LIMCH1: variants seen among roughly 807,000 people sequenced by gnomAD.
LIMCH1 encodes the protein LIM and calponin homology domains-containing protein 1.
A neutral mutation model predicts 176.5 loss-of-function variants in LIMCH1; 113 were observed. The ratio of observed to expected loss-of-function variants is 0.64; its 90% CI spans 0.55 to 0.75. The LOEUF (loss-of-function observed/expected upper bound fraction) is 0.75. LIMCH1 is among the 30% of genes least tolerant of loss of function. The pLI is 0.00. For missense variants in LIMCH1, 1,674 were observed against 1,814.9 expected (o/e 0.92, Z 1.41); for synonymous variants, 619 against 645.9 (o/e 0.96, Z 0.63).
intron 1 of LIMCH1, among the ~76,000 whole-genome samples, chr4:41,429,754 A>G (rs1275078095): frequency 6.6e-6 from 1 of 152,226 alleles, no homozygotes; most frequent in African/African-American, 2.4e-5. Context: ...TCAGTTGCTT[A>G]AAGAAACACC....
rs73137373 is a variant in LIMCH1, at chr4:41,669,976, G to C, written c.3398-1578G>C. Among the ~76,000 whole-genome samples the C allele has an allele frequency of 4.0e-3, 610 of 152,224 alleles. 3 individuals are homozygous for C. Among genetic ancestry groups the C allele is most frequent in the African/African-American group, 0.014 (576 of 41,522 alleles). The stretch of plus-strand genomic sequence containing the variant: ...ACAGGTCACTGAAGATCTGCTGATC[G>C]ACCCTAATGATGTTCCACACGTTTT... On this transcript the variant is annotated intron_variant, in intron 21 of 31. Transcript: ENST00000503057.
intron 25 of LIMCH1, 123 bp from the exon 26 acceptor site, chr4:41,682,210 C>T: frequency 1.6e-6 from 1 of 636,390 alleles, no homozygotes; most frequent in Admixed American, 3.5e-5. Context: ...TTAATTTGGA[C>T]AACTGTTCTT....
chr4:41,474,205 G>A (rs182614523), intron 1 of LIMCH1, among the ~76,000 whole-genome samples: 8 of 148,208 alleles, frequency 5.4e-5, no homozygotes, highest in Non-Finnish European at 1.2e-4. Context: ...ACAAAAATGG[G>A]TGGTCAGGCG....
intron 15 of LIMCH1, among the ~76,000 whole-genome samples, chr4:41,645,239 G>A (rs766145688): frequency 2.0e-4 from 31 of 152,332 alleles, no homozygotes; most frequent in Admixed American, 8.5e-4. Context: ...AGGAGGGAGA[G>A]TGGATTATTT....
chr4:41,388,805 A>G (rs970478528), intron 1 of LIMCH1, among the ~76,000 whole-genome samples: 8 of 151,958 alleles, frequency 5.3e-5, no homozygotes, highest in South Asian at 2.1e-4. Context: ...ACCACGCCCA[A>G]CTAATTTTTA....
chr4:41,648,047 T>C (rs904591931), intron 17 of LIMCH1, among the ~76,000 whole-genome samples: 1 of 152,068 alleles, frequency 6.6e-6, no homozygotes, highest in Non-Finnish European at 1.5e-5. Flanking sequence ...TCATATGGAC[T>C]CACACACACA....
At chr4:41,481,798 A>G (rs889326380) in intron 1 of LIMCH1, among the ~76,000 whole-genome samples, 7 of 151,708 alleles carry the variant, frequency 4.6e-5, no homozygotes, top group African/African-American at 1.7e-4. Flanking sequence ...AACAGGTCGG[A>G]GTAGGGAACA....
intron 1 of LIMCH1, among the ~76,000 whole-genome samples, chr4:41,402,989 GA>G (rs66584828): frequency 6.7e-6 from 1 of 148,634 alleles, no homozygotes; most frequent in South Asian, 2.1e-4. Context: ...TAAAAAAAAA[GA>G]AAAAAAAAGA....
chr4:41,612,949 T>C, intron 4 of LIMCH1: 2 of 1,530,566 alleles, frequency 1.3e-6, no homozygotes, highest in East Asian at 2.5e-5. Context: ...CGCGTGCTGC[T>C]CCAGGATTTT....
rs545770141 is a variant in LIMCH1 at position 41,459,976 on chromosome 4, A to G, written c.97-34560A>G. ...ACACCTCCTGCCCCAGTCTTCGCCC[A>G]AGTCTCTCACTGATGGATGAATATC... is the stretch of plus-strand genomic sequence containing the variant. On this transcript the variant is annotated intron_variant, in intron 1 of 26. Transcript: ENST00000313860. 5.3e-5 allele frequency among the ~76,000 whole-genome samples: 8 copies of G among 152,226 alleles called. No homozygotes were observed. The South Asian group carries it at 1.7e-3, about 32-fold the overall frequency.
At chr4:41,463,550 C>T (rs573743157) in intron 1 of LIMCH1, among the ~76,000 whole-genome samples, 17 of 151,684 alleles carry the variant, frequency 1.1e-4, no homozygotes, top group African/African-American at 4.1e-4. Context: ...CCCTACCCCT[C>T]ACTTCTCCCA....
Position 41,619,257 on chromosome 4 carries a change from C to G in LIMCH1, c.275C>G (p.Ser92Cys), listed in dbSNP as rs2092380249. ...KLPDVKKDDMSARRTSHGEPK... is the reference protein window; with the variant it reads ...KLPDVKKDDMCARRTSHGEPK... ...CCAGATGTGAAGAAGGATGACATGT[C>G]TGCACGGCGGACTTCCCATGGTGAG... The change falls in exon 6 of 32, where the codon TCT (serine) becomes TGT (cysteine). Residue 92 changes from serine to cysteine, a missense_variant. Physicochemically the swap from Ser to Cys is moderately radical, Grantham distance 112. Transcript: ENST00000503057. 6.2e-7 allele frequency: 1 copy of G among 1,614,116 alleles called. No individual in the cohort carries two copies. The highest frequency in any genetic ancestry group is 8.5e-7 in the Non-Finnish European group (1 of 1,180,056).
chr4:41,545,075 C>A (rs907979291), intron 1 of LIMCH1, among the ~76,000 whole-genome samples: 1 of 152,224 alleles, frequency 6.6e-6, no homozygotes, highest in Non-Finnish European at 1.5e-5. Context: ...CTTTGTATAA[C>A]CTCAAAGTCA....
chr4:41,526,689 G>T (rs931646992), intron 3 of LIMCH1, among the ~76,000 whole-genome samples: 2 of 152,132 alleles, frequency 1.3e-5, no homozygotes, highest in African/African-American at 4.8e-5. Flanking sequence ...CAGACCTCGT[G>T]TTCTGTCTAT....
At chr4:41,464,462 C>T (rs1352793787) in intron 1 of LIMCH1, among the ~76,000 whole-genome samples, 1 of 151,138 alleles carries the variant, frequency 6.6e-6, no homozygotes, top group Non-Finnish European at 1.5e-5. Flanking sequence ...CTGCAATCTC[C>T]GCCTCCCAGG....
chr4:41,486,655 G>A (rs1442780359), intron 1 of LIMCH1, among the ~76,000 whole-genome samples: 2 of 152,168 alleles, frequency 1.3e-5, no homozygotes, highest in Admixed American at 1.3e-4. Flanking sequence ...TATACGAGGT[G>A]AGGGCTTTGT....
chr4:41,543,741 T>TA (rs1427054704), intron 1 of LIMCH1, among the ~76,000 whole-genome samples: 1 of 152,104 alleles, frequency 6.6e-6, no homozygotes, highest in Non-Finnish European at 1.5e-5. Context: ...AGGTTTCTGT[T>TA]AAAAAAACAA....
rs1003603808 is a variant in LIMCH1 at position 41,685,598 on chromosome 4, A to C, written c.3968-112A>C. 8.6e-6 allele frequency: 11 copies of C among 1,279,096 alleles called. No individual in the cohort carries two copies. In the African/African-American group the frequency reaches 1.5e-4, roughly 17 times the overall value. The allele number at this position is 1,279,096 out of a possible 1,614,324, so 79.2% of individuals were successfully genotyped here. A position where few individuals can be genotyped will look rare whatever the true frequency, so the allele number is the denominator to read the frequency against. ...TAACCACCATGTGCCCATGACCTGCATGAAATCGCTATAAAACCTCAACAG... is the reference window on the plus strand; with the variant it reads ...TAACCACCATGTGCCCATGACCTGCCTGAAATCGCTATAAAACCTCAACAG... On this transcript the variant is annotated intron_variant, in intron 27 of 31. Transcript: ENST00000503057.
intron 27 of LIMCH1, among the ~76,000 whole-genome samples, chr4:41,684,736 A>C (rs576258297): frequency 6.6e-6 from 1 of 152,106 alleles, no homozygotes; most frequent in Non-Finnish European, 1.5e-5. Flanking sequence ...GCGTGTTCGC[A>C]CTTAAAAAAA....
Sources: allele counts gnomAD v4.1 joint callset (sites outside exome capture counted in the v4.1 genomes callset), GRCh38; gene constraint gnomAD v4.1.1; transcripts MANE v1.5; gene names NCBI Gene and HGNC (gene_info 2026-07-23, HGNC 2026-07-21).